POT1: variants seen among roughly 807,000 people sequenced by gnomAD.
POT1 encodes protection of telomeres 1.
A neutral mutation model predicts 78.5 loss-of-function variants in POT1; 47 were observed. That is an observed-to-expected ratio of 0.60 (90% CI 0.47 to 0.76). The LOEUF (loss-of-function observed/expected upper bound fraction) is 0.76. Ranked by LOEUF, POT1 falls within the 30% of genes least tolerant of loss-of-function variation. POT1 has a pLI of 0.00. For synonymous variants in POT1, 259 were observed against 260.7 expected (o/e 0.99, Z 0.06); for missense variants, 646 against 749.9 (o/e 0.86, Z 1.62).
At chr7:124,892,801 T>TA (rs1416029270) in intron 5 of POT1, 1 of 151,682 alleles carries the variant, frequency 6.6e-6, no homozygotes, top group Non-Finnish European at 1.5e-5. Flanking sequence ...AACTTCATTG[T>TA]AAATCAAGGA....
intron 3 of POT1, among the ~76,000 whole-genome samples, chr7:124,903,105 A>G (rs1796664988): frequency 6.6e-6 from 1 of 152,218 alleles, no homozygotes; most frequent in Admixed American, 6.5e-5. Context: ...TGTCAACATT[A>G]GACAGATCAA....
chr7:124,827,706 C>T (rs1328890344), intron 16 of POT1, among the ~76,000 whole-genome samples: 1 of 152,104 alleles, frequency 6.6e-6, no homozygotes, highest in Non-Finnish European at 1.5e-5. Flanking sequence ...TTATGATAAG[C>T]AATTTAATCT....
At chr7:124,828,848 T>G in intron 16 of POT1, 1 of 520,504 alleles carries the variant, frequency 1.9e-6, no homozygotes, top group Non-Finnish European at 3.8e-6. Flanking sequence ...TACAAATAAA[T>G]AGCTATACAA....
At chr7:124,887,095 G>A (rs1157527007) in intron 6 of POT1, among the ~76,000 whole-genome samples, 1 of 151,926 alleles carries the variant, frequency 6.6e-6, no homozygotes, top group Non-Finnish European at 1.5e-5. Context: ...TCCCAGAAGG[G>A]GCAGCACACG....
In POT1 at chr7:124,909,595, C is replaced by T. The variant is rs10256055; in HGVS notation, c.-154+5979G>A. On this transcript the variant is annotated intron_variant, in intron 3 of 18. Transcript: ENST00000357628. Reference sequence around the variant, plus strand: ...AAAGTAAATGTGACCTCAGTCTTCACATCATTATATTTTAAAAGCAAGAAA... The same window carrying T: ...AAAGTAAATGTGACCTCAGTCTTCATATCATTATATTTTAAAAGCAAGAAA... Among the ~76,000 whole-genome samples the T allele has an allele frequency of 1.9e-3, 289 of 151,846 alleles. 3 individuals carry two copies. The highest frequency in any genetic ancestry group is 6.4e-3 in the African/African-American group (266 of 41,506).
chr7:124,887,873 C>T (rs1160641545), intron 6 of POT1, among the ~76,000 whole-genome samples: 1 of 152,056 alleles, frequency 6.6e-6, no homozygotes, highest in African/African-American at 2.4e-5. Flanking sequence ...TATTACCTCA[C>T]AATAAACTGA....
intron 3 of POT1, among the ~76,000 whole-genome samples, chr7:124,912,803 A>G (rs969664598): frequency 6.6e-6 from 1 of 152,196 alleles, no homozygotes; most frequent in Non-Finnish European, 1.5e-5. Flanking sequence ...CTAGCAAGGT[A>G]TACTGCAGAG....
rs1447234357 is a variant in POT1, at chr7:124,824,090, C to A, written c.1793-16G>T. On this transcript the variant is annotated splice_polypyrimidine_tract_variant and intron_variant, in intron 18 of 18. Transcript: ENST00000357628. Reference sequence around the variant, plus strand: ...GGATATGCATCTACAAAAACAAAAACAAAAAAAGCGATTTAACCATTAAAA... The same window carrying A: ...GGATATGCATCTACAAAAACAAAAAAAAAAAAAGCGATTTAACCATTAAAA... 18 of 1,496,930 alleles carry A rather than the reference C, an allele frequency of 1.2e-5. No homozygotes were observed. The highest frequency in any genetic ancestry group is 9.4e-5 in the Admixed American group (5 of 53,166). The allele number at this position is 1,496,930 out of a possible 1,614,324, so 92.7% of individuals were successfully genotyped here.
rs1021864311 is a variant in POT1, at chr7:124,846,827, G to A, written c.1006+115C>T. On this transcript the variant is annotated intron_variant, in intron 12 of 18. Coordinates refer to ENST00000357628, the MANE Select transcript of POT1 (RefSeq NM_015450.3). ...GAAAGTTAAATATGGACATATTTTAGCTTTAAAGGATATGTGTTCTACTAT... is the reference window on the plus strand; with the variant it reads ...GAAAGTTAAATATGGACATATTTTAACTTTAAAGGATATGTGTTCTACTAT... 15 of 670,436 alleles carry A rather than the reference G, an allele frequency of 2.2e-5. No individual in the cohort carries two copies. In the South Asian group the frequency reaches 3.1e-4, roughly 14 times the overall value. The allele number at this position is 670,436 out of a possible 1,614,324, so 41.5% of individuals were successfully genotyped here.
intron 15 of POT1, among the ~76,000 whole-genome samples, chr7:124,831,189 G>T (rs1459817654): frequency 6.6e-6 from 1 of 152,170 alleles, no homozygotes; most frequent in Non-Finnish European, 1.5e-5. Flanking sequence ...AAGTGTTGGA[G>T]TGAACTTGGT....
intron 7 of POT1, among the ~76,000 whole-genome samples, chr7:124,864,575 T>G (rs1047256003): frequency 6.6e-6 from 1 of 152,178 alleles, no homozygotes; most frequent in African/African-American, 2.4e-5. Flanking sequence ...GTGCTCCATT[T>G]CGTTCTTCTT....
chr7:124,892,223 AT>A, intron 6 of POT1, 42 bp downstream of exon 6: 7 of 1,191,020 alleles, frequency 5.9e-6, no homozygotes, highest in Non-Finnish European at 8.3e-6. Context: ...TAAATCAATA[AT>A]GCATTTCCAC....
chr7:124,825,455 A>C lies in POT1; in HGVS notation c.1687-98T>G, dbSNP rs10250202. The C allele has an allele frequency of 0.4, 280,075 of 694,240 alleles. 57,063 individuals are homozygous for C. Among genetic ancestry groups the C allele is most frequent in the East Asian group, 0.47 (15,843 of 33,410 alleles). 43.0% of individuals were successfully genotyped at this position (694,240 alleles called of 1,614,324 possible). On this transcript the variant is annotated intron_variant, in intron 17 of 18. Transcript: ENST00000357628. ...TTTCAATATTGTCCAATTAAAAGAT[A>C]ATCTAGACAGTTTCCCTCTATCAAG...
chr7:124,850,916 A>AC (rs928252953), intron 11 of POT1, among the ~76,000 whole-genome samples: 3 of 151,186 alleles, frequency 2.0e-5, no homozygotes, highest in African/African-American at 7.3e-5. Context: ...AAAAAAAAAA[A>AC]AACAACAACA....
Position 124,896,490 on chromosome 7 carries a change from C to T in POT1, c.9+675G>A, listed in dbSNP as rs143303042. Among the ~76,000 whole-genome samples the T allele has an allele frequency of 1.9e-3, 282 of 151,774 alleles. 3 individuals are homozygous for T. The highest frequency in any genetic ancestry group is 0.019 in the East Asian group (96 of 5,184). On this transcript the variant is annotated intron_variant, in intron 5 of 18. Transcript: ENST00000357628. Reference sequence around the variant, plus strand: ...CTCAGAATTTAGTAACTGTGTCCTACAGTCATTGTCAACCAGAAACAGTTC... The same window carrying T: ...CTCAGAATTTAGTAACTGTGTCCTATAGTCATTGTCAACCAGAAACAGTTC...
rs1795061057 is a variant in POT1 at position 124,842,839 on chromosome 7, A to T, written c.1131T>A (p.Ser377=). Reference sequence around the variant, plus strand: ...GACATTTAGGGCAATGAAGTTTAACAGACTGAAATAGTCTTCTGGGCTTAT... The same window carrying T: ...GACATTTAGGGCAATGAAGTTTAACTGACTGAAATAGTCTTCTGGGCTTAT... ...RSYKPRRLFQ[S]VKLHCPKCHL... is the part of the protein sequence containing the mutation. The change falls in exon 13 of 19, where the codon TCT becomes TCA. Residue 377 remains serine (S), a synonymous_variant. Coordinates refer to ENST00000357628, the MANE Select transcript of POT1 (RefSeq NM_015450.3). 6.2e-7 allele frequency: 1 copy of T among 1,600,206 alleles called. No individual in the cohort carries two copies. Among genetic ancestry groups the T allele is most frequent in the African/African-American group, 1.4e-5 (1 of 74,038 alleles).
intron 5 of POT1, 118 bp from the exon 6 acceptor site, chr7:124,892,498 G>A: frequency 1.9e-6 from 1 of 513,612 alleles, no homozygotes; most frequent in Non-Finnish European, 3.3e-6. Context: ...GTGTCTAAAA[G>A]AAGTTATAAC....
intron 2 of POT1, among the ~76,000 whole-genome samples, chr7:124,919,491 C>G (rs973613198): frequency 2.6e-5 from 4 of 152,072 alleles, no homozygotes; most frequent in African/African-American, 9.7e-5. Flanking sequence ...TATTTGGAGA[C>G]AGGGCCATTA....
intron 6 of POT1, among the ~76,000 whole-genome samples, 164 bp downstream of exon 6, chr7:124,892,102 T>G (rs1221556008): frequency 6.6e-6 from 1 of 151,584 alleles, no homozygotes; most frequent in East Asian, 1.9e-4. Flanking sequence ...AAGATCACGT[T>G]TATTTTACAA....
Sources: allele counts gnomAD v4.1 joint callset (sites outside exome capture counted in the v4.1 genomes callset), GRCh38; gene constraint gnomAD v4.1.1; transcripts MANE v1.5; gene names NCBI Gene and HGNC (gene_info 2026-07-23, HGNC 2026-07-21).